Variants in STRN observed in about 807,000 individuals in gnomAD.
STRN encodes the protein striatin, also known as protein phosphatase 2 regulatory subunit B'''alpha.
In STRN, 53 loss-of-function variants were observed where a neutral mutation model predicts 96.3. The observed-to-expected ratio is 0.55, with a 90% CI of 0.44 to 0.69. STRN has a LOEUF of 0.69. Ranked by LOEUF, STRN falls within the 30% of genes least tolerant of loss-of-function variation. The pLI is 0.00. For synonymous variants in STRN, 428 were observed against 355.9 expected (o/e 1.20, Z -2.28); for missense variants, 987 against 963.9 (o/e 1.02, Z -0.32).
intron 12 of STRN, among the ~76,000 whole-genome samples, chr2:36,863,212 T>A (rs1451264264): frequency 6.6e-6 from 1 of 152,206 alleles, no homozygotes; most frequent in Non-Finnish European, 1.5e-5. Flanking sequence ...TTGGTCATTG[T>A]TGCAATTGCT....
At chr2:36,946,902 CTTT>C (rs531046476) in intron 1 of STRN, among the ~76,000 whole-genome samples, 11 of 146,380 alleles carry the variant, frequency 7.5e-5, no homozygotes, top group Non-Finnish European at 7.6e-5. Flanking sequence ...ACAAAAATTT[CTTT>C]TTTTTTTTGA....
At chr2:36,885,535 T>C (rs1367802890) in intron 8 of STRN, among the ~76,000 whole-genome samples, 1 of 152,174 alleles carries the variant, frequency 6.6e-6, no homozygotes, top group Non-Finnish European at 1.5e-5. Flanking sequence ...TTTCTCATTC[T>C]GATTTAATCT....
chr2:36,914,096 C>G (rs1445498718), intron 3 of STRN, among the ~76,000 whole-genome samples: 1 of 152,120 alleles, frequency 6.6e-6, no homozygotes, highest in African/African-American at 2.4e-5. Context: ...CCCAAGTGAT[C>G]CTTTCACCTC....
At chr2:36,933,856 C>T (rs1670635259) in intron 1 of STRN, among the ~76,000 whole-genome samples, 1 of 152,040 alleles carries the variant, frequency 6.6e-6, no homozygotes, top group African/African-American at 2.4e-5. Context: ...AACCTTGTAA[C>T]CCCTGCACTT....
chr2:36,875,973 A>T (rs970651918), intron 10 of STRN, among the ~76,000 whole-genome samples: 7 of 152,076 alleles, frequency 4.6e-5, no homozygotes, highest in Non-Finnish European at 7.4e-5. Context: ...GATTTTTTTT[A>T]AATCTTTATC....
At chr2:36,952,981 T>G (rs950645350) in intron 1 of STRN, among the ~76,000 whole-genome samples, 5 of 152,212 alleles carry the variant, frequency 3.3e-5, no homozygotes, top group South Asian at 2.1e-4. Context: ...GGGCTGTAAT[T>G]TTCCATCAGG....
At chr2:36,956,040 G>C (rs766006064) in intron 1 of STRN, among the ~76,000 whole-genome samples, 1 of 152,162 alleles carries the variant, frequency 6.6e-6, no homozygotes, top group Non-Finnish European at 1.5e-5. Context: ...CATCATGTCA[G>C]CACTCAAAAA....
At chr2:36,952,803 G>A (rs770080060) in intron 1 of STRN, among the ~76,000 whole-genome samples, 13 of 152,194 alleles carry the variant, frequency 8.5e-5, no homozygotes, top group Non-Finnish European at 1.8e-4. Context: ...TTCAGCAAGT[G>A]CGCTGACCCA....
intron 12 of STRN, among the ~76,000 whole-genome samples, chr2:36,864,667 A>G (rs1668577168): frequency 6.6e-6 from 1 of 152,134 alleles, no homozygotes; most frequent in African/African-American, 2.4e-5. Flanking sequence ...TGCTGGCCTC[A>G]TAGAATGAGT....
At chr2:36,930,140 G>A (rs1670532951) in intron 1 of STRN, among the ~76,000 whole-genome samples, 3 of 152,104 alleles carry the variant, frequency 2.0e-5, no homozygotes, top group Non-Finnish European at 4.4e-5. Flanking sequence ...TAAAGACAGT[G>A]TCATTATCAG....
At chr2:36,928,014 G>A (rs1436054418) in intron 1 of STRN, among the ~76,000 whole-genome samples, 3 of 152,032 alleles carry the variant, frequency 2.0e-5, no homozygotes, top group Non-Finnish European at 4.4e-5. Flanking sequence ...AGAAAATTAG[G>A]ACCTGAACTA....
Position 36,855,131 on chromosome 2 carries a change from T to G in STRN, c.1978+81A>C. On this transcript the variant is annotated intron_variant, in intron 15 of 17. Coordinates refer to ENST00000263918, the MANE Select transcript of STRN (RefSeq NM_003162.4). ...CAGAAAGCTTTATAATGACAAATAT[T>G]TTTCACAGCTGACTCTAGTAGTCGT... 2.1e-6 allele frequency: 3 copies of G among 1,422,062 alleles called. No individual in the cohort carries two copies. The South Asian group carries it at 4.0e-5, about 19-fold the overall frequency. 88.1% of individuals were successfully genotyped at this position (1,422,062 alleles called of 1,614,324 possible).
At chr2:36,861,962 T>G (rs1408878608) in intron 12 of STRN, among the ~76,000 whole-genome samples, 1 of 152,102 alleles carries the variant, frequency 6.6e-6, no homozygotes, top group Non-Finnish European at 1.5e-5. Flanking sequence ...TGTCTATTGT[T>G]CCCTTCTTCT....
At chr2:36,952,241 C>T (rs1391404632) in intron 1 of STRN, among the ~76,000 whole-genome samples, 1 of 152,136 alleles carries the variant, frequency 6.6e-6, no homozygotes, top group Non-Finnish European at 1.5e-5. Flanking sequence ...TTCGGATTAA[C>T]TGATCAACCA....
chr2:36,839,284 C>G lies in STRN; in HGVS notation c.*10172G>C, dbSNP rs1004127970. 6.6e-6 allele frequency among the ~76,000 whole-genome samples: 1 copy of G among 152,032 alleles called. No homozygotes were observed. The highest frequency in any genetic ancestry group is 1.9e-4 in the East Asian group (1 of 5,196). On this transcript the variant is annotated 3_prime_UTR_variant, in exon 18 of 18. Transcript: ENST00000263918. ...ATCACTAATATTCCCTATATTTTCA[C>G]TTGTTCCCCCACCTGGAATGTGCTG...
intron 9 of STRN, among the ~76,000 whole-genome samples, chr2:36,883,178 G>A (rs1669119257): frequency 1.3e-5 from 2 of 151,968 alleles, no homozygotes; most frequent in Admixed American, 6.5e-5. Context: ...TGTGAGGCCA[G>A]GCATGGTGGC....
chr2:36,850,355 G>T (rs1413642683), intron 16 of STRN, among the ~76,000 whole-genome samples: 1 of 152,178 alleles, frequency 6.6e-6, no homozygotes, highest in African/African-American at 2.4e-5. Context: ...AGCTAATATA[G>T]GGTGCTTTCC....
At chr2:36,950,302 G>A (rs985285073) in intron 1 of STRN, among the ~76,000 whole-genome samples, 21 of 137,416 alleles carry the variant, frequency 1.5e-4, no homozygotes, top group Non-Finnish European at 2.4e-4. Context: ...CGCAACCTCC[G>A]TCTCTCAAGT....
At position 36,923,350 on chromosome 2, in the gene STRN, C is replaced by CT. The variant is rs1385716314; in HGVS notation, c.338+1754dup. Among the ~76,000 whole-genome samples, 5 of 148,554 alleles carry CT rather than the reference C, an allele frequency of 3.4e-5. No individual in the cohort carries two copies. In the East Asian group the frequency reaches 1.0e-3, roughly 30 times the overall value. On this transcript the variant is annotated intron_variant, in intron 2 of 17. Transcript: ENST00000263918. The stretch of plus-strand genomic sequence containing the variant: ...CCTGTAGTCCCAGCAACTCGGGAGG[C>CT]TGAGACAGGAGAATTGCTTGAGCCC...
Sources: gnomAD v4.1 joint callset for allele counts (sites outside exome capture counted in the v4.1 genomes callset) on GRCh38, gnomAD v4.1.1 for gene constraint, MANE v1.5 for transcripts, NCBI Gene and HGNC (gene_info 2026-07-23, HGNC 2026-07-21) for gene names.